Variants in PTPRD observed in about 807,000 individuals in gnomAD.
PTPRD encodes the protein protein tyrosine phosphatase receptor type D, also known as receptor-type tyrosine-protein phosphatase delta.
A neutral mutation model predicts 214.5 loss-of-function variants in PTPRD; 34 were observed. The ratio of observed to expected loss-of-function variants is 0.16; its 90% CI spans 0.12 to 0.21. The LOEUF is 0.21. Ranked by LOEUF, PTPRD falls within the 10% of genes least tolerant of loss-of-function variation. The pLI, the probability that PTPRD is intolerant of heterozygous loss-of-function variation, is 1.00. For missense variants in PTPRD, 2,545 were observed against 2,398.7 expected, an observed-to-expected ratio of 1.06 and a Z score of -1.27; for synonymous variants, 1,128 against 845.7, an observed-to-expected ratio of 1.33 and a Z score of -5.79.
At chr9:8,333,962 T>C (rs1844079801) in intron 43 of PTPRD, among the ~76,000 whole-genome samples, 1 of 152,040 alleles carries the variant, frequency 6.6e-6, no homozygotes, top group Non-Finnish European at 1.5e-5. Flanking sequence ...GGCAAAGGGA[T>C]CAATGAACGA....
intron 11 of PTPRD, among the ~76,000 whole-genome samples, chr9:8,906,645 G>A (rs1300074373): frequency 6.6e-6 from 1 of 152,136 alleles, no homozygotes; most frequent in Non-Finnish European, 1.5e-5. Context: ...GTGGGAATCT[G>A]TGGCATTAAT....
intron 8 of PTPRD, among the ~76,000 whole-genome samples, chr9:9,407,200 T>G (rs1385235373): frequency 6.6e-6 from 1 of 151,764 alleles, no homozygotes; most frequent in African/African-American, 2.4e-5. Context: ...CATGTCTGTT[T>G]TTGGTGTCTG....
intron 7 of PTPRD, among the ~76,000 whole-genome samples, chr9:9,589,639 G>A (rs994709845): frequency 3.9e-5 from 6 of 152,058 alleles, no homozygotes; most frequent in African/African-American, 1.4e-4. Context: ...TATAGCAATA[G>A]GATTTATGTG....
rs75537748 is a variant in PTPRD at position 9,719,270 on chromosome 9, C to T, written c.-287+15263G>A. On this transcript the variant is annotated intron_variant, in intron 7 of 45. Transcript: ENST00000381196. ...GTCACTTAATAAAGCTCCTCTCCAC[C>T]ATGTTCAACCTCCAGTTGTCCACAT... 0.028 allele frequency among the ~76,000 whole-genome samples: 4,298 copies of T among 152,170 alleles called. 443 individuals are homozygous for T. In the East Asian group the frequency reaches 0.36, roughly 13 times the overall value.
intron 2 of PTPRD, among the ~76,000 whole-genome samples, chr9:10,448,763 A>G (rs761093247): frequency 1.3e-5 from 2 of 151,992 alleles, no homozygotes; most frequent in Non-Finnish European, 2.9e-5. Context: ...CTGTTCTCCC[A>G]GCCCAATGCT....
intron 35 of PTPRD, among the ~76,000 whole-genome samples, chr9:8,411,157 C>A (rs943100487): frequency 6.6e-6 from 1 of 151,840 alleles, no homozygotes; most frequent in African/African-American, 2.4e-5. Flanking sequence ...AAGTGTTTTA[C>A]TATTTTAGTG....
chr9:9,609,876 T>G (rs1313946247), intron 7 of PTPRD, among the ~76,000 whole-genome samples: 1 of 152,172 alleles, frequency 6.6e-6, no homozygotes, highest in Non-Finnish European at 1.5e-5. Context: ...AAATGTACAT[T>G]TAAAAAGTAG....
intron 11 of PTPRD, among the ~76,000 whole-genome samples, chr9:8,957,593 G>A (rs549751779): frequency 1.3e-5 from 2 of 151,874 alleles, no homozygotes; most frequent in East Asian, 3.9e-4. Flanking sequence ...TTTATTGCAC[G>A]ATTCCTTGTA....
chr9:9,620,311 C>T (rs1159705312), intron 7 of PTPRD, among the ~76,000 whole-genome samples: 1 of 151,790 alleles, frequency 6.6e-6, no homozygotes, highest in East Asian at 1.9e-4. Flanking sequence ...AAGGTAAGAA[C>T]TATGCCAAAT....
At chr9:9,329,886 A>G (rs749389566) in intron 9 of PTPRD, among the ~76,000 whole-genome samples, 2 of 152,162 alleles carry the variant, frequency 1.3e-5, no homozygotes, top group South Asian at 2.1e-4. Context: ...ACATAAGCCA[A>G]TTCCCTCACT....
chr9:9,322,852 T>C (rs1331544411), intron 9 of PTPRD, among the ~76,000 whole-genome samples: 3 of 152,182 alleles, frequency 2.0e-5, no homozygotes, highest in African/African-American at 7.2e-5. Context: ...ATTTAGAAAG[T>C]GTGGAGACCT....
At chr9:8,510,229 C>T (rs1048661873) in intron 21 of PTPRD, among the ~76,000 whole-genome samples, 1 of 152,040 alleles carries the variant, frequency 6.6e-6, no homozygotes, top group Non-Finnish European at 1.5e-5. Context: ...GAGCGTGAGG[C>T]TACAGTGAAC....
chr9:9,352,163 C>T (rs2051473532), intron 9 of PTPRD, among the ~76,000 whole-genome samples: 1 of 151,682 alleles, frequency 6.6e-6, no homozygotes, highest in Non-Finnish European at 1.5e-5. Context: ...TGGAACCATT[C>T]CCTATGTGCA....
At chr9:9,473,951 G>A (rs2094823002) in intron 8 of PTPRD, among the ~76,000 whole-genome samples, 1 of 151,706 alleles carries the variant, frequency 6.6e-6, no homozygotes, top group Non-Finnish European at 1.5e-5. Context: ...TTGCTTTACG[G>A]AAGCTTTTTT....
At chr9:10,169,940 A>G (rs888638196) in intron 3 of PTPRD, among the ~76,000 whole-genome samples, 2 of 152,246 alleles carry the variant, frequency 1.3e-5, no homozygotes, top group Admixed American at 1.3e-4. Context: ...TAATAAATAT[A>G]TTCAAATAAG....
intron 2 of PTPRD, among the ~76,000 whole-genome samples, chr9:10,463,625 T>C (rs968392802): frequency 6.6e-6 from 1 of 152,184 alleles, no homozygotes; most frequent in Non-Finnish European, 1.5e-5. Context: ...AGAGGGTTTT[T>C]TTTTCTATGT....
chr9:9,915,057 G>A (rs1048666362), intron 5 of PTPRD, among the ~76,000 whole-genome samples: 1 of 152,120 alleles, frequency 6.6e-6, no homozygotes, highest in African/African-American at 2.4e-5. Flanking sequence ...TTTCAGCAAA[G>A]CCTCGCCATT....
chr9:9,566,380 G>A (rs1269854012), intron 8 of PTPRD, among the ~76,000 whole-genome samples: 1 of 151,884 alleles, frequency 6.6e-6, no homozygotes, highest in African/African-American at 2.4e-5. Context: ...TTACTCAAGA[G>A]CACAGCAATA....
intron 8 of PTPRD, among the ~76,000 whole-genome samples, chr9:9,456,437 A>T (rs1373103300): frequency 6.6e-6 from 1 of 151,930 alleles, no homozygotes; most frequent in Admixed American, 6.6e-5. Flanking sequence ...AATGACAGAG[A>T]GAAAGAATGT....
Sources: gnomAD v4.1 joint callset for allele counts (sites outside exome capture counted in the v4.1 genomes callset) on GRCh38, gnomAD v4.1.1 for gene constraint, MANE v1.5 for transcripts, NCBI Gene and HGNC (gene_info 2026-07-23, HGNC 2026-07-21) for gene names.